Variants in CTNNA1 observed in about 807,000 individuals in gnomAD.
CTNNA1 encodes the protein catenin alpha-1.
Under a neutral mutation model 98.4 loss-of-function variants are expected in CTNNA1, and 37 were observed. That is an observed-to-expected ratio of 0.38 (90% CI 0.29 to 0.49). The LOEUF (loss-of-function observed/expected upper bound fraction) is 0.49. Among genes scored for constraint, CTNNA1 ranks in the 20% least tolerant of loss-of-function variants. The pLI, the probability that CTNNA1 is intolerant of heterozygous loss-of-function variation, is 0.95. For missense variants in CTNNA1, 761 were observed against 1,147.2 expected (o/e 0.66, Z 4.86); for synonymous variants, 404 against 413.2 (o/e 0.98, Z 0.27).
intron 10 of CTNNA1, among the ~76,000 whole-genome samples, 188 bp from the exon 11 acceptor site, chr5:138,917,552 CTA>C (rs774493641): frequency 6.6e-6 from 1 of 152,106 alleles, no homozygotes; most frequent in Middle Eastern, 3.2e-3. Flanking sequence ...TTATCATTGT[CTA>C]TAGTTTGCAA....
intron 9 of CTNNA1, among the ~76,000 whole-genome samples, chr5:138,889,183 G>C (rs529003688): frequency 9.8e-5 from 15 of 152,292 alleles, no homozygotes; most frequent in African/African-American, 3.6e-4. Context: ...TAGGAAGCAA[G>C]GATGCTGCCA....
chr5:138,754,278 G>C (rs2149557014), intron 1 of CTNNA1: 1 of 150,296 alleles, frequency 6.7e-6, no homozygotes, highest in Admixed American at 6.7e-5. Context: ...GAGCGTGTGT[G>C]TGCGTGCGAG....
chr5:138,830,128 C>G (rs1761121709), intron 7 of CTNNA1, among the ~76,000 whole-genome samples: 1 of 151,082 alleles, frequency 6.6e-6, no homozygotes, highest in African/African-American at 2.4e-5. Context: ...GATCACGCCA[C>G]TGCACTCCAG....
At chr5:138,825,163 A>T (rs941548732) in intron 6 of CTNNA1, among the ~76,000 whole-genome samples, 2 of 152,156 alleles carry the variant, frequency 1.3e-5, no homozygotes, top group African/African-American at 2.4e-5. Context: ...TCAGCCCCCT[A>T]GAGGCTCGTG....
chr5:138,845,045 A>C (rs1762588806), intron 7 of CTNNA1, among the ~76,000 whole-genome samples: 1 of 152,186 alleles, frequency 6.6e-6, no homozygotes, highest in Admixed American at 6.5e-5. Context: ...GTATAAAGTT[A>C]CTGCCGAAGG....
At chr5:138,933,007 C>T (rs1765723732) in intron 17 of CTNNA1, 1 of 764,562 alleles carries the variant, frequency 1.3e-6, no homozygotes, top group African/African-American at 1.7e-5. Flanking sequence ...GTGGCAGGTA[C>T]CTGTAAGTCC....
intron 14 of CTNNA1, among the ~76,000 whole-genome samples, 161 bp from the exon 15 acceptor site, chr5:138,930,312 T>A (rs1765031807): frequency 1.3e-5 from 2 of 152,154 alleles, no homozygotes; most frequent in Non-Finnish European, 2.9e-5. Flanking sequence ...GCCATAAGTT[T>A]CTGCAAAAAA....
intron 7 of CTNNA1, chr5:138,880,910 G>A (rs1752750974): frequency 5.0e-6 from 2 of 397,600 alleles, no homozygotes; most frequent in South Asian, 3.8e-5. Context: ...CTGGGCTGGA[G>A]GGGCAGTGAC....
intron 3 of CTNNA1, among the ~76,000 whole-genome samples, chr5:138,791,590 C>G (rs1756368748): frequency 9.0e-6 from 1 of 110,958 alleles, no homozygotes; most frequent in Admixed American, 1.4e-4. Context: ...GTGCTCCAGT[C>G]TGGAGACAGA....
chr5:138,788,583 A>G (rs1755978629), intron 3 of CTNNA1, among the ~76,000 whole-genome samples: 2 of 152,202 alleles, frequency 1.3e-5, no homozygotes, highest in Non-Finnish European at 2.9e-5. Flanking sequence ...ATTAGCAGAC[A>G]TTCCCCATAC....
At chr5:138,881,083 T>G (rs1752804141) in intron 7 of CTNNA1, 1 of 456,230 alleles carries the variant, frequency 2.2e-6, no homozygotes, top group African/African-American at 2.0e-5. Context: ...TGTTGATTCC[T>G]CCTTGTATTG....
intron 1 of CTNNA1, among the ~76,000 whole-genome samples, chr5:138,759,549 G>A (rs1214993529): frequency 6.6e-6 from 1 of 152,192 alleles, no homozygotes; most frequent in African/African-American, 2.4e-5. Context: ...TTCAGCTGGA[G>A]GGGGAGGACT....
Position 138,873,904 on chromosome 5 carries a change from C to G in CTNNA1, c.1063-12308C>G. On this transcript the variant is annotated intron_variant, in intron 7 of 17. Transcript: ENST00000302763. The surrounding 1 kb of genome is among the most constrained non-coding windows in gnomAD (Gnocchi z 6.1). ...GCCGTAGGAAATGAGCAAAATTAATCTTCGTCAGCTGGTTGTGCTCTAGGT... is the reference window on the plus strand; with the variant it reads ...GCCGTAGGAAATGAGCAAAATTAATGTTCGTCAGCTGGTTGTGCTCTAGGT... 1 of 1,614,002 alleles carries G rather than the reference C, an allele frequency of 6.2e-7. No individual in the cohort carries two copies. The highest frequency in any genetic ancestry group is 1.1e-5 in the South Asian group (1 of 91,074).
At chr5:138,861,955 A>T (rs554937681) in intron 7 of CTNNA1, among the ~76,000 whole-genome samples, 2 of 152,324 alleles carry the variant, frequency 1.3e-5, no homozygotes, top group South Asian at 4.1e-4. Context: ...AAAGTTGTGG[A>T]TGAAGGAGGA....
At chr5:138,931,720 AG>A in intron 16 of CTNNA1, 1 of 985,446 alleles carries the variant, frequency 1.0e-6, no homozygotes, top group South Asian at 4.7e-5. Flanking sequence ...TTCTGCATCC[AG>A]CTGTCAATAC....
At chr5:138,820,598 G>A (rs538517684) in intron 5 of CTNNA1, among the ~76,000 whole-genome samples, 4 of 152,240 alleles carry the variant, frequency 2.6e-5, no homozygotes, top group African/African-American at 4.8e-5. Context: ...ATAGGGTGGT[G>A]GAGGCCTGGT....
chr5:138,891,389 C>A (rs920945139), intron 9 of CTNNA1, among the ~76,000 whole-genome samples: 1 of 144,202 alleles, frequency 6.9e-6, no homozygotes, highest in Non-Finnish European at 1.6e-5. Flanking sequence ...AGGGGAGTTA[C>A]AACCTCCTTT....
In CTNNA1 at chr5:138,771,572, A is replaced by G. The variant is rs188556672; in HGVS notation, c.-2-10351A>G. 2.9e-4 allele frequency among the ~76,000 whole-genome samples: 44 copies of G among 151,944 alleles called. No homozygotes were observed. The East Asian group carries it at 8.5e-3, about 29-fold the overall frequency. ...TTTTCTTTTTAAAAGTTGTTTTTGT[A>G]GAGACGAGGCCTCTATGTTGCCCAG... On this transcript the variant is annotated intron_variant, in intron 1 of 17. Coordinates refer to ENST00000302763, the MANE Select transcript of CTNNA1 (RefSeq NM_001903.5).
intron 7 of CTNNA1, among the ~76,000 whole-genome samples, chr5:138,885,724 T>C (rs1475586520): frequency 6.6e-6 from 1 of 152,232 alleles, no homozygotes; most frequent in East Asian, 1.9e-4. Context: ...TTATTAGCTC[T>C]GACCTATCAG....
Sources: allele counts gnomAD v4.1 joint callset (sites outside exome capture counted in the v4.1 genomes callset), GRCh38; gene constraint gnomAD v4.1.1; non-coding constraint Gnocchi (gnomAD v3.1); transcripts MANE v1.5; gene names NCBI Gene and HGNC (gene_info 2026-07-23, HGNC 2026-07-21).